The following MYBPC1 variants were observed in gnomAD, a reference collection of about 807,000 sequenced individuals.
MYBPC1 encodes myosin binding protein C1, also known as myosin-binding protein C, slow-type.
MYBPC1 carries 52 observed loss-of-function variants against 147.1 expected under a neutral mutation model. The observed-to-expected ratio is 0.35, with a 90% CI of 0.28 to 0.45. The LOEUF is 0.45. MYBPC1 is among the 20% of genes least tolerant of loss of function. The probability of loss-of-function intolerance (pLI) is 1.00; values close to 1 mark genes in which losing one functional copy is unlikely to be tolerated. For synonymous variants in MYBPC1, 477 were observed against 475.9 expected, an observed-to-expected ratio of 1.00 and a Z score of -0.03; for missense variants, 1,228 against 1,440.3, an observed-to-expected ratio of 0.85 and a Z score of 2.39.
chr12:101,616,827 C>G (rs1886211073), intron 2 of MYBPC1, among the ~76,000 whole-genome samples: 1 of 152,172 alleles, frequency 6.6e-6, no homozygotes, highest in Non-Finnish European at 1.5e-5. Context: ...GGCAAACTGA[C>G]TTTTCTTTAA....
intron 1 of MYBPC1, among the ~76,000 whole-genome samples, chr12:101,596,577 A>G (rs1327793062): frequency 6.6e-6 from 1 of 152,222 alleles, no homozygotes; most frequent in Non-Finnish European, 1.5e-5. Context: ...CTAATTGAAA[A>G]TGAGAAGAAA....
At position 101,646,883 on chromosome 12, in the gene MYBPC1, A is replaced by G. The variant is rs1893266490; in HGVS notation, c.1086A>G (p.Val362=). The change falls in exon 13 of 32, where the codon GTA becomes GTG. Residue 362 remains valine (V), a synonymous_variant. Transcript: ENST00000361466. Reference sequence around the variant, plus strand: ...AGAAATGTTCCACTGAGCTCTTCGTAAGAGGTAAAAATGAAATCTCTTATT... The same window carrying G: ...AGAAATGTTCCACTGAGCTCTTCGTGAGAGGTAAAAATGAAATCTCTTATT... The part of the protein sequence containing the change: ...GDEKCSTELF[V]REPPIMVTKQ... 2 of 1,614,012 alleles carry G rather than the reference A, an allele frequency of 1.2e-6. No homozygotes were observed. The highest frequency in any genetic ancestry group is 1.7e-6 in the Non-Finnish European group (2 of 1,179,984).
At chr12:101,616,453 C>A (rs1264824834) in intron 2 of MYBPC1, among the ~76,000 whole-genome samples, 2 of 152,274 alleles carry the variant, frequency 1.3e-5, no homozygotes, top group Non-Finnish European at 2.9e-5. Flanking sequence ...TCAAATGTCT[C>A]CTCCCAAATT....
intron 1 of MYBPC1, among the ~76,000 whole-genome samples, chr12:101,610,038 C>T (rs11110885): frequency 0.22 from 33,312 of 152,004 alleles, 5,170 homozygotes; most frequent in African/African-American, 0.44. Flanking sequence ...TGAATTAGAG[C>T]GAGAGAGATG....
chr12:101,662,642 T>A, intron 21 of MYBPC1, 96 bp downstream of exon 21: 1 of 1,382,982 alleles, frequency 7.2e-7, no homozygotes, highest in South Asian at 1.2e-5. Flanking sequence ...CCTGGACACT[T>A]CTTAGAGTTG....
rs145163864 is a variant in MYBPC1, at chr12:101,675,211, C to A, written c.2810-81C>A. The A allele has an allele frequency of 4.1e-4, 638 of 1,565,274 alleles. 4 individuals are homozygous for A. In the African/African-American group the frequency reaches 7.5e-3, roughly 18 times the overall value. On this transcript the variant is annotated intron_variant, in intron 25 of 31. Coordinates refer to ENST00000361466, the MANE Select transcript of MYBPC1 (RefSeq NM_002465.4). ...TGCCTCCTGTAACAGAGGAAAGGGTCTTTTAAAATATCCTCATGAAACAAA... is the reference window on the plus strand; with the variant it reads ...TGCCTCCTGTAACAGAGGAAAGGGTATTTTAAAATATCCTCATGAAACAAA...
chr12:101,613,049 C>A (rs1035996353), intron 1 of MYBPC1, among the ~76,000 whole-genome samples: 2 of 152,164 alleles, frequency 1.3e-5, no homozygotes, highest in African/African-American at 2.4e-5. Flanking sequence ...TTATATATAT[C>A]CTTCTCCCTC....
At chr12:101,595,398 T>C (rs974154516) in intron 1 of MYBPC1, among the ~76,000 whole-genome samples, 3 of 152,204 alleles carry the variant, frequency 2.0e-5, no homozygotes, top group African/African-American at 7.2e-5. Flanking sequence ...TTGCTGATGG[T>C]AAACAGATTA....
intron 20 of MYBPC1, 50 bp downstream of exon 20, chr12:101,661,312 C>A: frequency 8.6e-7 from 1 of 1,164,782 alleles, no homozygotes; most frequent in South Asian, 1.3e-5. Context: ...GTTGTGTCCT[C>A]TTTACGCATC....
Position 101,654,110 on chromosome 12 carries a change from G to A in MYBPC1, c.1767+862G>A, listed in dbSNP as rs145386144. Among the ~76,000 whole-genome samples the A allele has an allele frequency of 4.5e-3, 682 of 152,268 alleles. 2 individuals carry two copies. The highest frequency in any genetic ancestry group is 0.016 in the African/African-American group (652 of 41,546). ...TAATTCCAGCTACTCAGGAGGCTGA[G>A]GCACAAGAATTGCTGGAACCCGGGA... On this transcript the variant is annotated intron_variant, in intron 18 of 31. Coordinates refer to ENST00000361466, the MANE Select transcript of MYBPC1 (RefSeq NM_002465.4).
chr12:101,610,977 G>C (rs1372892002), intron 1 of MYBPC1, among the ~76,000 whole-genome samples: 1 of 152,164 alleles, frequency 6.6e-6, no homozygotes, highest in Non-Finnish European at 1.5e-5. Context: ...TCATAGTACT[G>C]ATTTCACAGA....
At position 101,642,598 on chromosome 12, in the gene MYBPC1, G is replaced by C. The variant is rs968114840; in HGVS notation, c.832+13G>C. The C allele has an allele frequency of 1.9e-6, 3 of 1,604,740 alleles. No individual in the cohort carries two copies. Among genetic ancestry groups the C allele is most frequent in the Non-Finnish European group, 2.6e-6 (3 of 1,176,140 alleles). On this transcript the variant is annotated intron_variant, in intron 11 of 31. Coordinates refer to ENST00000361466, the MANE Select transcript of MYBPC1 (RefSeq NM_002465.4). ...AAGAAGAGCGCAGGTGAGCGCTCCCGGGGGCGAGGCAGCGGCCGAGGGGCG... is the reference window on the plus strand; with the variant it reads ...AAGAAGAGCGCAGGTGAGCGCTCCCCGGGGCGAGGCAGCGGCCGAGGGGCG...
chr12:101,597,707 C>T (rs1877900838), intron 1 of MYBPC1, among the ~76,000 whole-genome samples: 1 of 152,188 alleles, frequency 6.6e-6, no homozygotes, highest in Non-Finnish European at 1.5e-5. Context: ...GGAGTAACCA[C>T]TTCCCATTGT....
At chr12:101,678,763 A>G (rs1317112322) in intron 28 of MYBPC1, among the ~76,000 whole-genome samples, 1 of 152,236 alleles carries the variant, frequency 6.6e-6, no homozygotes, top group Non-Finnish European at 1.5e-5. Context: ...GAATTAATGA[A>G]TATCGCCCAT....
rs149776048 is a variant in MYBPC1, at chr12:101,614,525, C to A, written c.55C>A (p.Pro19Thr). 1 of 1,613,584 alleles carries A rather than the reference C, an allele frequency of 6.2e-7. No individual in the cohort carries two copies. Among genetic ancestry groups the A allele is most frequent in the Non-Finnish European group, 8.5e-7 (1 of 1,179,932 alleles). The change falls in exon 2 of 32, where the codon CCG becomes ACG. Residue 19 changes from proline to threonine, a missense_variant. Coordinates refer to ENST00000361466, the MANE Select transcript of MYBPC1 (RefSeq NM_002465.4). Reference sequence around the variant, plus strand: ...TGAAGTGCCAGCCCCAGCCCCACCCCCGGAAGGTGAGTAAAAACACTCACT... The same window carrying A: ...TGAAGTGCCAGCCCCAGCCCCACCCACGGAAGGTGAGTAAAAACACTCACT... ...ENEVPAPAPPPEEPSKEKEAG... is the reference protein window; with the variant it reads ...ENEVPAPAPPTEEPSKEKEAG...
chr12:101,659,532 C>A, intron 18 of MYBPC1, 140 bp from the exon 19 acceptor site: 1 of 862,180 alleles, frequency 1.2e-6, no homozygotes, highest in Non-Finnish European at 1.9e-6. Flanking sequence ...TATAGTTACA[C>A]TATATAGTCC....
Position 101,684,421 on chromosome 12 carries a change from T to C in MYBPC1, c.*16T>C, listed in dbSNP as rs1234797880. On this transcript the variant is annotated 3_prime_UTR_variant, in exon 31 of 32. Coordinates refer to ENST00000361466, the MANE Select transcript of MYBPC1 (RefSeq NM_002465.4). ...GGATTTTTGAATGTATAATATCATC[T>C]AAGGTAAGCTTTCATATGGTTTTGG... The C allele has an allele frequency of 1.3e-6, 2 of 1,583,408 alleles. No individual in the cohort carries two copies. Among genetic ancestry groups the C allele is most frequent in the Non-Finnish European group, 1.7e-6 (2 of 1,160,216 alleles).
intron 4 of MYBPC1, 63 bp from the exon 5 acceptor site, chr12:101,627,706 C>A: frequency 1.3e-6 from 2 of 1,569,022 alleles, no homozygotes; most frequent in South Asian, 2.2e-5. Context: ...AGGTTGAAGT[C>A]AGCACTCCAT....
At chr12:101,674,277 A>C (rs1245482271) in intron 25 of MYBPC1, among the ~76,000 whole-genome samples, 1 of 152,228 alleles carries the variant, frequency 6.6e-6, no homozygotes, top group African/African-American at 2.4e-5. Flanking sequence ...CATTCTAGAC[A>C]GTATAGATTC....
Sources: gnomAD v4.1 joint callset for allele counts (sites outside exome capture counted in the v4.1 genomes callset) on GRCh38, gnomAD v4.1.1 for gene constraint, MANE v1.5 for transcripts, NCBI Gene and HGNC (gene_info 2026-07-23, HGNC 2026-07-21) for gene names.